Variants in HGSNAT observed in about 807,000 individuals in gnomAD.
HGSNAT encodes heparan-alpha-glucosaminide N-acetyltransferase.
HGSNAT carries 59 observed loss-of-function variants against 85.2 expected under a neutral mutation model. The ratio of observed to expected loss-of-function variants is 0.69; its 90% CI spans 0.56 to 0.86. HGSNAT has a LOEUF of 0.86. HGSNAT is among the 40% of genes least tolerant of loss of function. The pLI, the probability that HGSNAT is intolerant of heterozygous loss-of-function variation, is 0.00. For missense variants in HGSNAT, 756 were observed against 777.1 expected, an observed-to-expected ratio of 0.97 and a Z score of 0.32; for synonymous variants, 321 against 304.5, an observed-to-expected ratio of 1.05 and a Z score of -0.56.
intron 11 of HGSNAT, among the ~76,000 whole-genome samples, chr8:43,190,422 G>A (rs16891682): frequency 0.022 from 3,417 of 152,132 alleles, 124 homozygotes; most frequent in African/African-American, 0.077. Context: ...TTTGGGGGGC[G>A]TTTTAGTCAT....
chr8:43,172,444 C>G, intron 8 of HGSNAT, 58 bp downstream of exon 8: 1 of 1,223,192 alleles, frequency 8.2e-7, no homozygotes, highest in Non-Finnish European at 1.2e-6. Context: ...AGCTTCAGGG[C>G]AGGAGAATCA....
chr8:43,168,129 C>G (rs1439338648), intron 5 of HGSNAT: 1 of 165,406 alleles, frequency 6.0e-6, no homozygotes, highest in Non-Finnish European at 1.3e-5. Flanking sequence ...CCGTCTTAGC[C>G]AGGATGGTCT....
In HGSNAT at chr8:43,158,708, G is replaced by A; in HGVS notation, c.368G>A (p.Cys123Tyr). The A allele has an allele frequency of 6.2e-7, 1 of 1,600,906 alleles. No individual in the cohort carries two copies. Among genetic ancestry groups the A allele is most frequent in the Non-Finnish European group, 8.5e-7 (1 of 1,173,058 alleles). ...LNDTLEEKEV[C>Y]RLEYRFGEFG... ...GACACCTTGGAAGAGAAAGAAGTTT[G>A]TAGGTTTGTGCCTGCTTTGTTGTGA... Residue 123 changes from cysteine to tyrosine, a missense_variant, in exon 3 of 18, where the codon TGT becomes TAT. Coordinates refer to ENST00000379644, the MANE Select transcript of HGSNAT (RefSeq NM_152419.3).
At chr8:43,198,280 CT>C (rs59416007) in intron 17 of HGSNAT, among the ~76,000 whole-genome samples, 1,952 of 90,332 alleles carry the variant, frequency 0.022, 15 homozygotes, top group African/African-American at 0.076. Flanking sequence ...GTTTCTGGTT[CT>C]TTTTTTTTTT....
intron 5 of HGSNAT, among the ~76,000 whole-genome samples, chr8:43,164,167 A>G (rs1352859006): frequency 2.0e-5 from 3 of 152,222 alleles, no homozygotes; most frequent in Admixed American, 6.5e-5. Context: ...AGGATTTTCT[A>G]TAAAACAATC....
At chr8:43,151,411 A>T in intron 2 of HGSNAT, among the ~76,000 whole-genome samples, 1 of 152,188 alleles carries the variant, frequency 6.6e-6, no homozygotes, top group East Asian at 1.9e-4. Flanking sequence ...TTCGTGACTG[A>T]GTGTCTGTAA....
chr8:43,164,867 C>T (rs968099931), intron 5 of HGSNAT, among the ~76,000 whole-genome samples: 5 of 151,954 alleles, frequency 3.3e-5, no homozygotes, highest in African/African-American at 1.2e-4. Context: ...TATAATTGGC[C>T]TAATTTCAAT....
intron 9 of HGSNAT, among the ~76,000 whole-genome samples, chr8:43,176,148 A>G (rs1372691990): frequency 6.6e-6 from 1 of 152,040 alleles, no homozygotes; most frequent in Non-Finnish European, 1.5e-5. Flanking sequence ...GTGTTTCCCC[A>G]ATGTTTTCTC....
chr8:43,197,303 A>T lies in HGSNAT; in HGVS notation c.1542+278A>T. ...GTATGGGCTCTGTGTGGAGAGGCGT[A>T]TCAGAGAGACTGGGCAAATCAGACC... On this transcript the variant is annotated intron_variant, in intron 15 of 17. Transcript: ENST00000379644. The T allele has an allele frequency of 5.5e-6, 3 of 543,024 alleles. No homozygotes were observed. In the South Asian group the frequency reaches 6.8e-5, roughly 12 times the overall value. 33.6% of individuals were successfully genotyped at this position (543,024 alleles called of 1,614,324 possible). A position where few individuals can be genotyped will look rare whatever the true frequency, so the allele number is the denominator to read the frequency against.
At chr8:43,162,924 G>T (rs1031425781) in intron 5 of HGSNAT, among the ~76,000 whole-genome samples, 1 of 152,024 alleles carries the variant, frequency 6.6e-6, no homozygotes, top group Admixed American at 6.6e-5. Flanking sequence ...GGTGGCTCAC[G>T]CCTCTAATAC....
At chr8:43,182,987 G>A (rs1804184587) in intron 11 of HGSNAT, among the ~76,000 whole-genome samples, 1 of 151,990 alleles carries the variant, frequency 6.6e-6, no homozygotes, top group South Asian at 2.1e-4. Flanking sequence ...CTTATTTTTA[G>A]TTGATATGTA....
chr8:43,156,465 C>T (rs1369150725), intron 2 of HGSNAT, among the ~76,000 whole-genome samples: 1 of 152,016 alleles, frequency 6.6e-6, no homozygotes, highest in Non-Finnish European at 1.5e-5. Context: ...ACCACCATGC[C>T]CAGCTAATTT....
chr8:43,166,259 G>A (rs1473247032), intron 5 of HGSNAT, among the ~76,000 whole-genome samples: 5 of 152,240 alleles, frequency 3.3e-5, no homozygotes, highest in African/African-American at 1.2e-4. Flanking sequence ...ATTGATGAAA[G>A]TGGCTACACT....
intron 5 of HGSNAT, among the ~76,000 whole-genome samples, chr8:43,165,037 C>A: frequency 7.0e-6 from 1 of 143,372 alleles, no homozygotes. Context: ...CATGTGCCAC[C>A]ATGATAATTT....
At chr8:43,188,523 G>T (rs1804404412) in intron 11 of HGSNAT, among the ~76,000 whole-genome samples, 1 of 152,144 alleles carries the variant, frequency 6.6e-6, no homozygotes, top group Non-Finnish European at 1.5e-5. Flanking sequence ...CTACACTGTT[G>T]ATTCTAGTTA....
rs931481376 is a variant in HGSNAT, at chr8:43,166,336, A to G, written c.564-2837A>G. ...AAGAAGATGCCATCTAAGACTTTTA[A>G]TAGCCAGGAAGGAGAATTCAAAGCT... On this transcript the variant is annotated intron_variant, in intron 5 of 17. Coordinates refer to ENST00000379644, the MANE Select transcript of HGSNAT (RefSeq NM_152419.3). Among the ~76,000 whole-genome samples the G allele has an allele frequency of 2.2e-4, 33 of 152,340 alleles. No individual in the cohort carries two copies. In the Middle Eastern group the frequency reaches 0.01, roughly 47 times the overall value.
chr8:43,177,144 G>T (rs1005112189), intron 9 of HGSNAT, among the ~76,000 whole-genome samples: 2 of 152,150 alleles, frequency 1.3e-5, no homozygotes, highest in African/African-American at 4.8e-5. Flanking sequence ...TGGAGGAAAG[G>T]CTTTCAGTTT....
At chr8:43,140,654 G>C in intron 1 of HGSNAT, 40 bp downstream of exon 1, 2 of 1,052,640 alleles carry the variant, frequency 1.9e-6, no homozygotes, top group Non-Finnish European at 2.4e-6. Context: ...CCGGCTACGA[G>C]CGCAGCGTCT....
At chr8:43,173,881 T>G (rs1803719501) in intron 9 of HGSNAT, 138 bp downstream of exon 9, 1 of 871,490 alleles carries the variant, frequency 1.1e-6, no homozygotes, top group South Asian at 1.6e-5. Context: ...TGTTACTGGA[T>G]AGTTCTCATA....
Sources: allele counts gnomAD v4.1 joint callset (sites outside exome capture counted in the v4.1 genomes callset), GRCh38; gene constraint gnomAD v4.1.1; transcripts MANE v1.5; gene names NCBI Gene and HGNC (gene_info 2026-07-23, HGNC 2026-07-21).